HACD3: variants seen among roughly 807,000 people sequenced by gnomAD.
HACD3 encodes 3-hydroxyacyl-CoA dehydratase 3, also known as very-long-chain (3R)-3-hydroxyacyl-CoA dehydratase 3.
In HACD3, 30 loss-of-function variants were observed where a neutral mutation model predicts 55.2. That is an observed-to-expected ratio of 0.54 (90% CI 0.41 to 0.74). HACD3 has a LOEUF of 0.74. Among genes scored for constraint, HACD3 ranks in the 30% least tolerant of loss-of-function variants. The probability of loss-of-function intolerance (pLI) is 0.00; values close to 1 mark genes in which losing one functional copy is unlikely to be tolerated. For synonymous variants in HACD3, 141 were observed against 151.7 expected (o/e 0.93, Z 0.52); for missense variants, 363 against 440.1 (o/e 0.82, Z 1.57).
At chr15:65,547,046 C>T (rs2072084390) in intron 1 of HACD3, among the ~76,000 whole-genome samples, 1 of 152,086 alleles carries the variant, frequency 6.6e-6, no homozygotes. Context: ...CACACTCCAC[C>T]AGCGACGAAA....
intron 10 of HACD3, among the ~76,000 whole-genome samples, chr15:65,575,743 A>G (rs1335248192): frequency 2.6e-5 from 4 of 152,236 alleles, no homozygotes; most frequent in Non-Finnish European, 5.9e-5. Context: ...TGTTCCCTGT[A>G]TAATGATTTA....
intron 2 of HACD3, among the ~76,000 whole-genome samples, chr15:65,552,288 CT>C (rs1468839117): frequency 6.9e-6 from 1 of 144,770 alleles, no homozygotes; most frequent in Non-Finnish European, 1.5e-5. Context: ...CCAGAATATG[CT>C]GCTTTTTTTA....
Position 65,535,025 on chromosome 15 carries a change from C to T in HACD3, c.87+4307C>T, listed in dbSNP as rs149957185. On this transcript the variant is annotated intron_variant, in intron 1 of 10. Transcript: ENST00000261875. ...TACAAATTAATGAGGAGAGAATGAC[C>T]CATTCAGGAAATTGTACTGGGACAA... 6.5e-4 allele frequency among the ~76,000 whole-genome samples: 99 copies of T among 152,106 alleles called. 1 individual carries two copies. The East Asian group carries it at 7.7e-3, about 12-fold the overall frequency.
intron 1 of HACD3, chr15:65,535,932 C>G (rs2071950364): frequency 2.3e-6 from 1 of 434,850 alleles, no homozygotes. Flanking sequence ...TTAAGCAATC[C>G]TCTTGCCTTG....
chr15:65,541,021 T>G (rs1023650214), intron 1 of HACD3, among the ~76,000 whole-genome samples: 71 of 152,280 alleles, frequency 4.7e-4, no homozygotes, highest in African/African-American at 1.6e-3. Context: ...AGATTTTGAC[T>G]TAAGCACAGA....
intron 1 of HACD3, among the ~76,000 whole-genome samples, chr15:65,549,599 C>CA (rs5813363): frequency 0.084 from 3,479 of 41,658 alleles, 147 homozygotes; most frequent in Non-Finnish European, 0.11. Flanking sequence ...GATTCCATCT[C>CA]AAAAAAAAAA....
At position 65,562,887 on chromosome 15, in the gene HACD3, A is replaced by T. The variant is rs1337596859; in HGVS notation, c.532+3A>T. On this transcript the variant is annotated splice_donor_region_variant and intron_variant, in intron 6 of 10. Transcript: ENST00000261875. Reference sequence around the variant, plus strand: ...GCGATTCTGTATCTTGGGAAAAGGCAAGTAAGACATTTTTGGATTAATTTT... The same window carrying T: ...GCGATTCTGTATCTTGGGAAAAGGCTAGTAAGACATTTTTGGATTAATTTT... The T allele has an allele frequency of 6.2e-7, 1 of 1,613,622 alleles. No homozygotes were observed. The highest frequency in any genetic ancestry group is 8.5e-7 in the Non-Finnish European group (1 of 1,179,816).
Position 65,558,716 on chromosome 15 carries a change from G to C in HACD3, c.406G>C (p.Glu136Gln). 6.2e-7 allele frequency: 1 copy of C among 1,601,794 alleles called. No individual in the cohort carries two copies. The highest frequency in any genetic ancestry group is 1.1e-5 in the South Asian group (1 of 88,462). Residue 136 changes from glutamate (E) to glutamine (Q), a missense_variant, in exon 5 of 11, where the codon GAA becomes CAA. Physicochemically the swap from Glu to Gln is conservative, Grantham distance 29. Coordinates refer to ENST00000261875, the MANE Select transcript of HACD3 (RefSeq NM_016395.4). ...ERLNKLRLESEGSPETLTNLR... is the reference protein window; with the variant it reads ...ERLNKLRLESQGSPETLTNLR... ...CCTAAATAAACTCCGACTGGAAAGC[G>C]AAGGCTCTCCTGAAAGTAAGTTGTG...
chr15:65,557,326 T>C (rs1183884471), intron 4 of HACD3, among the ~76,000 whole-genome samples: 1 of 152,046 alleles, frequency 6.6e-6, no homozygotes, highest in Non-Finnish European at 1.5e-5. Flanking sequence ...ATACAAAAAA[T>C]TAGCCGGGCG....
At chr15:65,542,303 AC>A (rs2072029015) in intron 1 of HACD3, among the ~76,000 whole-genome samples, 1 of 151,318 alleles carries the variant, frequency 6.6e-6, no homozygotes, top group African/African-American at 2.4e-5. Flanking sequence ...TCACTCTGTC[AC>A]CCAGGCTGGA....
chr15:65,530,514 TGCAGGCGCTCAGGAGC>T lies in HACD3; in HGVS notation c.-115_-100del. The T allele has an allele frequency of 1.2e-6, 1 of 866,906 alleles. No individual in the cohort carries two copies. The highest frequency in any genetic ancestry group is 1.7e-6 in the Non-Finnish European group (1 of 590,824). 53.7% of individuals were successfully genotyped at this position (866,906 alleles called of 1,614,324 possible). The stretch of plus-strand genomic sequence containing the variant: ...CGTGGGGTATCTCGAGGTGCCGGGT[TGCAGGCGCTCAGGAGC>T]GCTAGGGTTTGAGGCCTGCTTTCTG... On this transcript the variant is annotated 5_prime_UTR_variant, in exon 1 of 11. Coordinates refer to ENST00000261875, the MANE Select transcript of HACD3 (RefSeq NM_016395.4).
chr15:65,535,828 A>G, intron 1 of HACD3: 1 of 615,728 alleles, frequency 1.6e-6, no homozygotes, highest in Non-Finnish European at 2.9e-6. Context: ...ACCAAGTAGG[A>G]CTACAGGTAC....
In HACD3 at chr15:65,572,680, G is replaced by A. The variant is rs561964675; in HGVS notation, c.1012+314G>A. 5.8e-3 allele frequency among the ~76,000 whole-genome samples: 885 copies of A among 152,208 alleles called. 16 individuals carry two copies. The highest frequency in any genetic ancestry group is 5.6e-3 in the Non-Finnish European group (379 of 68,008). ...GCTTGTAATCCCAGCACTTTGGGAG[G>A]CTGAGGTGGGCACATCACAAGGTCA... On this transcript the variant is annotated intron_variant, in intron 10 of 10. Transcript: ENST00000261875.
At chr15:65,571,277 C>T (rs574041903) in intron 8 of HACD3, among the ~76,000 whole-genome samples, 1 of 152,056 alleles carries the variant, frequency 6.6e-6, no homozygotes, top group Non-Finnish European at 1.5e-5. Flanking sequence ...AGGAATAAAG[C>T]CAAAAAACAT....
At chr15:65,539,890 A>G (rs1397478014) in intron 1 of HACD3, among the ~76,000 whole-genome samples, 2 of 152,228 alleles carry the variant, frequency 1.3e-5, no homozygotes, top group Non-Finnish European at 2.9e-5. Flanking sequence ...TGACATGTCA[A>G]ATCATACTGT....
intron 3 of HACD3, 106 bp downstream of exon 3, chr15:65,555,066 A>C: frequency 1.1e-6 from 1 of 893,802 alleles, no homozygotes; most frequent in South Asian, 1.5e-5. Context: ...TAAAAACCAA[A>C]GGGGAATAAT....
chr15:65,546,538 T>C (rs1336859170), intron 1 of HACD3, among the ~76,000 whole-genome samples: 1 of 152,170 alleles, frequency 6.6e-6, no homozygotes, highest in Non-Finnish European at 1.5e-5. Context: ...AAAAACCAAA[T>C]ATGACATTTA....
chr15:65,554,514 G>A (rs1393803659), intron 2 of HACD3, among the ~76,000 whole-genome samples: 3 of 152,200 alleles, frequency 2.0e-5, no homozygotes, highest in Admixed American at 1.3e-4. Context: ...AGTGGCTCAT[G>A]TCTGTAATCC....
intron 1 of HACD3, among the ~76,000 whole-genome samples, chr15:65,548,582 C>T (rs2072099725): frequency 6.6e-6 from 1 of 151,740 alleles, no homozygotes; most frequent in Non-Finnish European, 1.5e-5. Context: ...CCTCTTCACT[C>T]CTTTTTTTGA....
Sources: gnomAD v4.1 joint callset for allele counts (sites outside exome capture counted in the v4.1 genomes callset) on GRCh38, gnomAD v4.1.1 for gene constraint, MANE v1.5 for transcripts, NCBI Gene and HGNC (gene_info 2026-07-23, HGNC 2026-07-21) for gene names.